Variants in CCDC88B observed in about 807,000 individuals in gnomAD.
The protein encoded by CCDC88B is coiled-coil domain-containing protein 88B.
A neutral mutation model predicts 183.7 loss-of-function variants in CCDC88B; 138 were observed. That is an observed-to-expected ratio of 0.75 (90% CI 0.65 to 0.87). The LOEUF is 0.87. Among genes scored for constraint, CCDC88B ranks in the 40% least tolerant of loss-of-function variants. The probability of loss-of-function intolerance (pLI) is 0.00; values close to 1 mark genes in which losing one functional copy is unlikely to be tolerated. For synonymous variants in CCDC88B, 835 were observed against 867.5 expected (o/e 0.96, Z 0.66); for missense variants, 1,822 against 1,965.6 (o/e 0.93, Z 1.38).
chr11:64,354,039 T>C lies in CCDC88B; in HGVS notation c.3968T>C (p.Leu1323Pro). ...GSWLADKVKR[L>P]MRPRREGGPP... ...TGGCTGGCAGACAAGGTGAAGAGGCTGATGCGGCCCCGGCGGGAGGGGGGC... is the reference window on the plus strand; with the variant it reads ...TGGCTGGCAGACAAGGTGAAGAGGCCGATGCGGCCCCGGCGGGAGGGGGGC... The change falls in exon 24 of 27, where the codon CTG (leucine) becomes CCG (proline). Residue 1323 changes from leucine to proline, a missense_variant. Transcript: ENST00000356786. 6.8e-7 allele frequency: 1 copy of C among 1,466,588 alleles called. No homozygotes were observed. Among genetic ancestry groups the C allele is most frequent in the Non-Finnish European group, 9.1e-7 (1 of 1,103,992 alleles). 90.8% of individuals were successfully genotyped at this position (1,466,588 alleles called of 1,614,324 possible). A position where few individuals can be genotyped will look rare whatever the true frequency, so the allele number is the denominator to read the frequency against.
At chr11:64,346,983 A>C (rs1012782464) in intron 14 of CCDC88B, among the ~76,000 whole-genome samples, 5 of 151,122 alleles carry the variant, frequency 3.3e-5, no homozygotes, top group Non-Finnish European at 7.4e-5. Flanking sequence ...TTTAGTAGAG[A>C]CAGGGTTTCA....
intron 10 of CCDC88B, 31 bp downstream of exon 10, chr11:64,342,711 C>T: frequency 6.9e-7 from 1 of 1,443,302 alleles, no homozygotes; most frequent in East Asian, 2.6e-5. Context: ...CGGGGCGGGG[C>T]GTGCGCGAGG....
chr11:64,351,100 T>TGAGGCATCCCC, intron 16 of CCDC88B, 60 bp from the exon 17 acceptor site: 1 of 1,297,296 alleles, frequency 7.7e-7, no homozygotes, highest in South Asian at 1.6e-5. Flanking sequence ...CGCAGGTCCT[T>TGAGGCATCCCC]GAGGCATCCC....
At chr11:64,348,729 A>G in intron 14 of CCDC88B, 1 of 441,540 alleles carries the variant, frequency 2.3e-6, no homozygotes, top group Non-Finnish European at 4.0e-6. Context: ...ATGTGGCAGA[A>G]TGGTTTGGTC....
At chr11:64,356,750 GC>G in intron 26 of CCDC88B, 3 of 475,666 alleles carry the variant, frequency 6.3e-6, no homozygotes, top group Non-Finnish European at 1.1e-5. Flanking sequence ...GAGCTCAGGA[GC>G]TCTGGGCAGG....
intron 16 of CCDC88B, chr11:64,350,154 G>A (rs780171721): frequency 9.5e-4 from 170 of 179,568 alleles, no homozygotes; most frequent in Admixed American, 1.7e-3. Context: ...GCAGGGGCTT[G>A]GGAGGGTGGT....
Position 64,353,498 on chromosome 11 carries a change from TG to T in CCDC88B, c.3833+3del. 1 of 1,610,226 alleles carries T rather than the reference TG, an allele frequency of 6.2e-7. No individual in the cohort carries two copies. ...GCACCGCGAACAGCGGGAGTACCTG[TG>T]AGTGGGCCGCCTGGGAGCGGGGTGG... On this transcript the variant is annotated splice_donor_region_variant and intron_variant, in intron 22 of 26. Transcript: ENST00000356786.
chr11:64,355,930 T>C (rs2036532625), intron 26 of CCDC88B: 2 of 281,020 alleles, frequency 7.1e-6, no homozygotes, highest in South Asian at 1.9e-4. Context: ...CAATGGATTT[T>C]AATAACATTT....
intron 18 of CCDC88B, among the ~76,000 whole-genome samples, 155 bp from the exon 19 acceptor site, chr11:64,351,975 G>A (rs1034892511): frequency 5.0e-4 from 76 of 152,092 alleles, no homozygotes; most frequent in African/African-American, 1.7e-3. Flanking sequence ...CTCTGGCTGG[G>A]GCTTGTACTG....
In CCDC88B at chr11:64,344,786, G is replaced by A. The variant is rs146699554; in HGVS notation, c.2245G>A (p.Glu749Lys). The stretch of plus-strand genomic sequence containing the variant: ...GGCTGAGGCCCTTGGAGATGAGCTG[G>A]AAGCCCAGGCCCGCAAGCTGGAGGC... Reference protein sequence around the residue: ...RKAEALGDELEAQARKLEAQN... With the variant: ...RKAEALGDELKAQARKLEAQN... The change falls in exon 14 of 27, where the codon GAA (glutamate) becomes AAA (lysine). Residue 749 changes from glutamate to lysine, a missense_variant. Transcript: ENST00000356786. The surrounding 1 kb of genome is among the most constrained non-coding windows in gnomAD (Gnocchi z 4.5). 4.7e-5 allele frequency: 76 copies of A among 1,613,684 alleles called. No homozygotes were observed. The African/African-American group carries it at 8.7e-4, about 18-fold the overall frequency.
intron 11 of CCDC88B, 49 bp downstream of exon 11, chr11:64,343,374 C>T (rs878941230): frequency 1.9e-6 from 3 of 1,543,314 alleles, no homozygotes; most frequent in Non-Finnish European, 2.6e-6. Context: ...CACCCCATGA[C>T]CCCATTGATT....
At chr11:64,343,076 GA>G in intron 10 of CCDC88B, 102 bp from the exon 11 acceptor site, 1 of 1,328,174 alleles carries the variant, frequency 7.5e-7, no homozygotes, top group South Asian at 1.5e-5. Flanking sequence ...GTGGGGGAGG[GA>G]GGCAGGGTCT....
At chr11:64,352,466 C>T in intron 19 of CCDC88B, 80 bp downstream of exon 19, 1 of 1,455,866 alleles carries the variant, frequency 6.9e-7, no homozygotes, top group East Asian at 2.5e-5. Context: ...GGTCTGACTC[C>T]CCATCAGGAA....
At chr11:64,356,796 G>A (rs1413216917) in intron 26 of CCDC88B, 2 of 506,568 alleles carry the variant, frequency 3.9e-6, no homozygotes, top group South Asian at 3.6e-5. Context: ...GTGCTGGGGT[G>A]GGCCTCAGAG....
Position 64,341,433 on chromosome 11 carries a change from G to C in CCDC88B, c.460G>C (p.Glu154Gln), listed in dbSNP as rs756527659. Residue 154 changes from glutamate to glutamine, a missense_variant, in exon 6 of 27, where the codon GAA becomes CAA. Coordinates refer to ENST00000356786, the MANE Select transcript of CCDC88B (RefSeq NM_032251.6). ...LGASVQCEHRELFIRHIQGLS... is the reference protein window; with the variant it reads ...LGASVQCEHRQLFIRHIQGLS... ...TGTCTCCCCTCAGTGTGAGCACCGG[G>C]AACTCTTCATCCGCCACATCCAGGG... The C allele has an allele frequency of 4.3e-6, 7 of 1,613,848 alleles. No individual in the cohort carries two copies. Among genetic ancestry groups the C allele is most frequent in the African/African-American group, 1.3e-5 (1 of 74,892 alleles).
rs76302566 is a variant in CCDC88B, at chr11:64,342,066, G to A, written c.748G>A (p.Glu250Lys). The change falls in exon 8 of 27, where the codon GAG (glutamate) becomes AAG (lysine). Residue 250 changes from glutamate (E) to lysine (K), a missense_variant. Glu to Lys is a moderately conservative substitution (Grantham distance 56). Coordinates refer to ENST00000356786, the MANE Select transcript of CCDC88B (RefSeq NM_032251.6). ...TGAGGCTCCCTCTAGGGCTCCCGCCGAGGGCCCCTCGCACCATCTGGCCCT... is the reference window on the plus strand; with the variant it reads ...TGAGGCTCCCTCTAGGGCTCCCGCCAAGGGCCCCTCGCACCATCTGGCCCT... ...RPEAPSRAPA[E>K]GPSHHLALQL... The A allele has an allele frequency of 7.4e-5, 119 of 1,611,934 alleles. No individual in the cohort carries two copies. In the East Asian group the frequency reaches 1.3e-3, roughly 18 times the overall value.
chr11:64,352,490 C>T lies in CCDC88B; in HGVS notation c.3356+104C>T, dbSNP rs182303440. ...CCCCATCAGGAAGCACCTCCACCTCCGCTCTGTGATGCCCCGGCCACTGCT... is the reference window on the plus strand; with the variant it reads ...CCCCATCAGGAAGCACCTCCACCTCTGCTCTGTGATGCCCCGGCCACTGCT... On this transcript the variant is annotated intron_variant, in intron 19 of 26. Coordinates refer to ENST00000356786, the MANE Select transcript of CCDC88B (RefSeq NM_032251.6). 97 of 1,424,988 alleles carry T rather than the reference C, an allele frequency of 6.8e-5. 2 individuals carry two copies. Among genetic ancestry groups the T allele is most frequent in the Admixed American group, 5.2e-4 (21 of 40,584 alleles). 88.3% of individuals were successfully genotyped at this position (1,424,988 alleles called of 1,614,324 possible).
Position 64,352,749 on chromosome 11 carries a change from A to G in CCDC88B, c.3362A>G (p.Glu1121Gly). 1 of 1,613,476 alleles carries G rather than the reference A, an allele frequency of 6.2e-7. No individual in the cohort carries two copies. The change falls in exon 20 of 27, where the codon GAG (glutamate) becomes GGG (glycine). Residue 1121 changes from glutamate (E) to glycine (G), a missense_variant. By Grantham distance (98) the Glu-to-Gly change is moderately conservative (BLOSUM62 -2). Transcript: ENST00000356786. ...LAHRELQGRH[E>G]QLQAQRASVE... is the part of the protein sequence containing the mutation. ...TAGCCCCTTGTCCATCCCAGGCACG[A>G]GCAGCTGCAGGCCCAGCGGGCCAGC... is the stretch of plus-strand genomic sequence containing the variant.
In CCDC88B at chr11:64,351,592, G is replaced by A. The variant is rs371395168; in HGVS notation, c.3075G>A (p.Ala1025=). The A allele has an allele frequency of 6.1e-5, 95 of 1,564,590 alleles. No homozygotes were observed. The African/African-American group carries it at 9.9e-4, about 16-fold the overall frequency. ...AGCTGCTGCTGCAGAGCCAGCGGGC[G>A]CAGGAGCACAGCAGCCGCCTGCAGG... ...AQELLLQSQR[A]QEHSSRLQAE... is the part of the protein sequence containing the mutation. Residue 1025 remains alanine, a synonymous_variant, in exon 18 of 27, where the codon GCG becomes GCA. Transcript: ENST00000356786.
Sources: allele counts gnomAD v4.1 joint callset (sites outside exome capture counted in the v4.1 genomes callset), GRCh38; gene constraint gnomAD v4.1.1; non-coding constraint Gnocchi (gnomAD v3.1); transcripts MANE v1.5; gene names NCBI Gene and HGNC (gene_info 2026-07-23, HGNC 2026-07-21).